The following GABRR1 variants were observed in gnomAD, a reference collection of about 807,000 sequenced individuals.
GABRR1 encodes gamma-aminobutyric acid receptor subunit rho-1.
Under a neutral mutation model 55.5 loss-of-function variants are expected in GABRR1, and 59 were observed. The observed-to-expected ratio is 1.06, with a 90% CI of 0.86 to 1.32. The LOEUF (loss-of-function observed/expected upper bound fraction) is 1.32, where lower values mean the gene tolerates loss of function less well. Ranked by LOEUF, GABRR1 falls within the 40% of genes most tolerant of loss-of-function variation. GABRR1 has a pLI of 0.00. For missense variants in GABRR1, 602 were observed against 619.1 expected, an observed-to-expected ratio of 0.97 and a Z score of 0.29; for synonymous variants, 213 against 226.0, an observed-to-expected ratio of 0.94 and a Z score of 0.51.
rs917182457 is a variant in GABRR1 at position 89,184,845 on chromosome 6, A to AGACT, written c.796+461_796+464dup. ...TTCCACCCACTGCTTGCTACCCACT[A>AGACT]GACTTCACTTAGGATTTCTGCCTTT... On this transcript the variant is annotated intron_variant, in intron 7 of 9. Transcript: ENST00000454853. Among the ~76,000 whole-genome samples, 11 of 150,412 alleles carry AGACT rather than the reference A, an allele frequency of 7.3e-5. No homozygotes were observed. In the East Asian group the frequency reaches 2.1e-3, roughly 29 times the overall value.
chr6:89,198,269 AC>A, intron 4 of GABRR1, 26 bp from the exon 5 acceptor site: 1 of 1,507,526 alleles, frequency 6.6e-7, no homozygotes, highest in Non-Finnish European at 9.2e-7. Flanking sequence ...CAGAGAGGGA[AC>A]CCCAGACACA....
chr6:89,199,314 C>T (rs759765552), intron 4 of GABRR1, 48 bp downstream of exon 4: 37 of 1,556,608 alleles, frequency 2.4e-5, no homozygotes, highest in South Asian at 1.8e-4. Context: ...GGCCCTGGAC[C>T]GGCTTTGTGA....
At chr6:89,210,585 G>A (rs538924503) in intron 1 of GABRR1, among the ~76,000 whole-genome samples, 1 of 152,296 alleles carries the variant, frequency 6.6e-6, no homozygotes, top group South Asian at 2.1e-4. Context: ...AAGGGGAGGA[G>A]CAGGTCTATT....
intron 1 of GABRR1, chr6:89,204,701 A>T (rs1309014532): frequency 4.7e-6 from 6 of 1,268,524 alleles, no homozygotes; most frequent in Middle Eastern, 2.2e-4. Flanking sequence ...GATTCTAGCC[A>T]AGAGAAGACG....
At chr6:89,180,010 T>A (rs1334508411) in intron 9 of GABRR1, among the ~76,000 whole-genome samples, 1 of 152,200 alleles carries the variant, frequency 6.6e-6, no homozygotes, top group Non-Finnish European at 1.5e-5. Flanking sequence ...CTCACTAAAC[T>A]ATGAACATCA....
chr6:89,189,307 T>C (rs1330488192), intron 6 of GABRR1, among the ~76,000 whole-genome samples: 1 of 150,128 alleles, frequency 6.7e-6, no homozygotes, highest in African/African-American at 2.5e-5. Flanking sequence ...GTGGCACATA[T>C]ACACCATGGA....
chr6:89,193,199 A>G (rs920942152), intron 5 of GABRR1, among the ~76,000 whole-genome samples: 4 of 152,176 alleles, frequency 2.6e-5, no homozygotes, highest in Non-Finnish European at 5.9e-5. Context: ...CATGGCTTTC[A>G]TTCGTACAAC....
In GABRR1 at chr6:89,198,977, G is replaced by A. The variant is rs1469716694; in HGVS notation, c.348+385C>T. 3.3e-5 allele frequency among the ~76,000 whole-genome samples: 5 copies of A among 152,066 alleles called. No homozygotes were observed. The East Asian group carries it at 7.7e-4, about 23-fold the overall frequency. On this transcript the variant is annotated intron_variant, in intron 4 of 9. Coordinates refer to ENST00000454853, the MANE Select transcript of GABRR1 (RefSeq NM_002042.5). ...TATCTGAACCGACCAAAAAGGGGGC[G>A]GGCGGGGGGAAAGGACACTCTTTTG... is the stretch of plus-strand genomic sequence containing the variant.
At chr6:89,179,089 G>T (rs771951451) in intron 9 of GABRR1, 26 bp from the exon 10 acceptor site, 3 of 1,604,300 alleles carry the variant, frequency 1.9e-6, no homozygotes, top group South Asian at 2.2e-5. Context: ...ACATGTTGGG[G>T]TGTGAGCTCA....
intron 5 of GABRR1, among the ~76,000 whole-genome samples, chr6:89,194,916 G>C (rs1170032927): frequency 6.6e-6 from 1 of 152,124 alleles, no homozygotes; most frequent in African/African-American, 2.4e-5. Context: ...CCAAATCTAA[G>C]AATTATTGGT....
chr6:89,183,224 G>C (rs1314276209), intron 7 of GABRR1, among the ~76,000 whole-genome samples: 1 of 151,896 alleles, frequency 6.6e-6, no homozygotes, highest in Non-Finnish European at 1.5e-5. Flanking sequence ...AAATGGATGG[G>C]GACTTGGCAA....
At chr6:89,199,844 G>C (rs867330828) in intron 3 of GABRR1, among the ~76,000 whole-genome samples, 1 of 152,188 alleles carries the variant, frequency 6.6e-6, no homozygotes, top group African/African-American at 2.4e-5. Flanking sequence ...TAGGAACTCA[G>C]AACCAAAGTC....
rs771951451 is a variant in GABRR1, at chr6:89,179,089, G to A, written c.1147-26C>T. On this transcript the variant is annotated intron_variant, in intron 9 of 9. Coordinates refer to ENST00000454853, the MANE Select transcript of GABRR1 (RefSeq NM_002042.5). ...CTGCAAACAGTAAACACATGTTGGG[G>A]TGTGAGCTCAGCATCATCTCTCAGA... The A allele has an allele frequency of 3.7e-6, 6 of 1,604,182 alleles. No homozygotes were observed. In the Admixed American group the frequency reaches 8.4e-5, roughly 22 times the overall value.
chr6:89,201,987 G>A (rs919681813), intron 2 of GABRR1, among the ~76,000 whole-genome samples: 1 of 152,048 alleles, frequency 6.6e-6, no homozygotes, highest in African/African-American at 2.4e-5. Context: ...AGCTGGAGGG[G>A]AGAGCCAGTG....
intron 3 of GABRR1, 103 bp downstream of exon 3, chr6:89,201,056 C>T: frequency 2.5e-6 from 2 of 800,520 alleles, no homozygotes; most frequent in African/African-American, 1.7e-5. Context: ...CTGAGGCAGA[C>T]CGGGTCAGCG....
At chr6:89,184,181 A>C (rs1771818582) in intron 7 of GABRR1, among the ~76,000 whole-genome samples, 1 of 150,756 alleles carries the variant, frequency 6.6e-6, no homozygotes, top group Non-Finnish European at 1.5e-5. Flanking sequence ...CAGAGGTTGC[A>C]GTGAGCCCAG....
chr6:89,192,567 T>C (rs567009431), intron 5 of GABRR1, among the ~76,000 whole-genome samples: 210 of 147,384 alleles, frequency 1.4e-3, no homozygotes, highest in East Asian at 4.5e-3. Context: ...TCTTCTTCTT[T>C]TTTTTTTTTT....
intron 4 of GABRR1, 45 bp downstream of exon 4, chr6:89,199,317 C>T (rs1217485373): frequency 2.5e-6 from 4 of 1,579,446 alleles, no homozygotes; most frequent in Non-Finnish European, 3.5e-6. Context: ...CCTGGACCGG[C>T]TTTGTGAATC....
At position 89,199,391 on chromosome 6, in the gene GABRR1, TCTC is replaced by T. The variant is rs1478113350; in HGVS notation, c.316_318del (p.Glu106del). ...TCAACCTCTGAGATGCTATCCAAACTCTCCACCTGCACATCCACACCAACAGGA... is the reference window on the plus strand; with the variant it reads ...TCAACCTCTGAGATGCTATCCAAACTCACCTGCACATCCACACCAACAGGA... On this transcript the variant is annotated inframe_deletion, in exon 4 of 10. Coordinates refer to ENST00000454853, the MANE Select transcript of GABRR1 (RefSeq NM_002042.5). 6 of 1,613,630 alleles carry T rather than the reference TCTC, an allele frequency of 3.7e-6. No individual in the cohort carries two copies.
Sources: gnomAD v4.1 joint callset for allele counts (sites outside exome capture counted in the v4.1 genomes callset) on GRCh38, gnomAD v4.1.1 for gene constraint, MANE v1.5 for transcripts, NCBI Gene and HGNC (gene_info 2026-07-23, HGNC 2026-07-21) for gene names.